Variants in GLIS3 observed in about 807,000 individuals in gnomAD.
GLIS3 encodes GLIS family zinc finger 3, also known as zinc finger protein GLIS3.
In GLIS3, 53 loss-of-function variants were observed where a neutral mutation model predicts 78.6. The observed-to-expected ratio is 0.67, with a 90% CI of 0.54 to 0.85. The LOEUF is 0.85. Ranked by LOEUF, GLIS3 falls within the 40% of genes least tolerant of loss-of-function variation. The pLI, the probability that GLIS3 is intolerant of heterozygous loss-of-function variation, is 0.00. For synonymous variants in GLIS3, 684 were observed against 509.9 expected, an observed-to-expected ratio of 1.34 and a Z score of -4.60; for missense variants, 1,703 against 1,231.1, an observed-to-expected ratio of 1.38 and a Z score of -5.74.
intron 1 of GLIS3, among the ~76,000 whole-genome samples, chr9:4,296,948 C>G (rs1289435400): frequency 1.3e-5 from 2 of 149,902 alleles, no homozygotes; most frequent in Admixed American, 6.6e-5. Context: ...CTAACACTCT[C>G]CTGTCTAAAT....
At chr9:4,261,131 C>A (rs1047295384) in intron 2 of GLIS3, among the ~76,000 whole-genome samples, 1 of 152,184 alleles carries the variant, frequency 6.6e-6, no homozygotes, top group Non-Finnish European at 1.5e-5. Context: ...GACTGGGGAA[C>A]TGAGTCTTGA....
At chr9:3,851,474 T>G (rs10124817) in intron 9 of GLIS3, among the ~76,000 whole-genome samples, 8,430 of 152,210 alleles carry the variant, frequency 0.055, 819 homozygotes, top group African/African-American at 0.19. Context: ...GAAGGCAAAA[T>G]GAATGAATGA....
intron 4 of GLIS3, among the ~76,000 whole-genome samples, chr9:4,306,946 C>CT: frequency 6.6e-6 from 1 of 152,296 alleles, no homozygotes; most frequent in Admixed American, 6.5e-5. Context: ...CAGCAGATTG[C>CT]GTAAGTCAGA....
intron 4 of GLIS3, among the ~76,000 whole-genome samples, chr9:4,095,937 C>T (rs1275211685): frequency 6.7e-6 from 1 of 149,928 alleles, no homozygotes; most frequent in African/African-American, 2.5e-5. Context: ...AGGAATCAAA[C>T]CTAAATGGTT....
the GLIS3 span, among the ~76,000 whole-genome samples, chr9:4,377,901 G>T: frequency 1.3e-5 from 2 of 152,114 alleles, no homozygotes; most frequent in African/African-American, 4.8e-5. Flanking sequence ...GCTCTTAGAA[G>T]TTCATTTAAT....
the GLIS3 span, among the ~76,000 whole-genome samples, chr9:4,363,925 AGC>A: frequency 6.6e-6 from 1 of 152,234 alleles, no homozygotes; most frequent in African/African-American, 2.4e-5. Flanking sequence ...GTTATGAGGA[AGC>A]AGGGTGGGAC....
the GLIS3 span, among the ~76,000 whole-genome samples, chr9:4,416,519 A>C: frequency 1.8e-4 from 27 of 152,222 alleles, no homozygotes; most frequent in East Asian, 5.8e-4. Context: ...TGTAATATAA[A>C]TAATATGAAC....
At chr9:4,004,583 T>C (rs1163633362) in intron 4 of GLIS3, among the ~76,000 whole-genome samples, 3 of 152,046 alleles carry the variant, frequency 2.0e-5, no homozygotes, top group African/African-American at 4.8e-5. Context: ...AAAAGGGCAA[T>C]TTGGAGAAGT....
the GLIS3 span, among the ~76,000 whole-genome samples, chr9:4,385,489 C>A: frequency 1.3e-5 from 2 of 151,814 alleles, no homozygotes; most frequent in South Asian, 2.1e-4. Context: ...CATGGCATAA[C>A]CCTGTCTCTA....
chr9:4,084,853 A>G (rs1039125093), intron 4 of GLIS3, among the ~76,000 whole-genome samples: 1 of 151,984 alleles, frequency 6.6e-6, no homozygotes, highest in Non-Finnish European at 1.5e-5. Context: ...ATGCACAGGA[A>G]TCTTCCAAAA....
intron 4 of GLIS3, among the ~76,000 whole-genome samples, chr9:4,052,787 T>C (rs751253342): frequency 1.3e-5 from 2 of 152,218 alleles, no homozygotes; most frequent in Admixed American, 1.3e-4. Flanking sequence ...AAAACATTCA[T>C]GTAAACGTTT....
At chr9:3,883,176 T>A (rs761705873) in intron 7 of GLIS3, among the ~76,000 whole-genome samples, 5 of 152,208 alleles carry the variant, frequency 3.3e-5, no homozygotes, top group African/African-American at 7.2e-5. Context: ...CACTGTGGCA[T>A]AGGAAATGCT....
intron 4 of GLIS3, among the ~76,000 whole-genome samples, chr9:3,979,344 G>A (rs921344530): frequency 1.3e-5 from 2 of 152,172 alleles, no homozygotes; most frequent in Non-Finnish European, 2.9e-5. Flanking sequence ...CTTCAGTGGT[G>A]TAGCCAAAGT....
chr9:4,256,072 G>C (rs1013640843), intron 2 of GLIS3, among the ~76,000 whole-genome samples: 3 of 151,886 alleles, frequency 2.0e-5, no homozygotes, highest in Admixed American at 6.6e-5. Context: ...ACTTGCCCAA[G>C]CCCTTATTTA....
intron 2 of GLIS3, among the ~76,000 whole-genome samples, chr9:4,134,453 T>A (rs1462855941): frequency 1.3e-5 from 2 of 152,198 alleles, no homozygotes; most frequent in African/African-American, 2.4e-5. Context: ...ACCCAGCTTG[T>A]GAATGTAACT....
In GLIS3 at chr9:4,162,538, G is replaced by A. The variant is rs564516771; in HGVS notation, c.389-36597C>T. On this transcript the variant is annotated intron_variant, in intron 2 of 10. Coordinates refer to ENST00000381971, the MANE Select transcript of GLIS3 (RefSeq NM_001042413.2). ...AGGAAAACCTGTTAGAAGCTTGACC[G>A]TTTCAGAATGGAAGATTCTCATCTA... is the stretch of plus-strand genomic sequence containing the variant. Among the ~76,000 whole-genome samples the A allele has an allele frequency of 2.6e-5, 4 of 152,256 alleles. No individual in the cohort carries two copies. The East Asian group carries it at 5.8e-4, about 22-fold the overall frequency.
At chr9:4,214,984 G>A (rs904481179) in intron 2 of GLIS3, among the ~76,000 whole-genome samples, 2 of 152,202 alleles carry the variant, frequency 1.3e-5, no homozygotes, top group African/African-American at 4.8e-5. Context: ...GAGAGAGGGT[G>A]AGACAGCTCT....
intron 2 of GLIS3, among the ~76,000 whole-genome samples, chr9:4,270,048 T>A (rs530805151): frequency 2.0e-4 from 30 of 152,328 alleles, no homozygotes; most frequent in African/African-American, 6.5e-4. Flanking sequence ...AAGACAGACG[T>A]GCATTCCCAC....
intron 4 of GLIS3, among the ~76,000 whole-genome samples, chr9:3,939,752 G>C (rs1483530780): frequency 6.6e-6 from 1 of 152,076 alleles, no homozygotes; most frequent in Non-Finnish European, 1.5e-5. Flanking sequence ...TCATTATGTT[G>C]TATGAATAAA....
Sources: gnomAD v4.1 joint callset for allele counts (sites outside exome capture counted in the v4.1 genomes callset) on GRCh38, gnomAD v4.1.1 for gene constraint, MANE v1.5 for transcripts, NCBI Gene and HGNC (gene_info 2026-07-23, HGNC 2026-07-21) for gene names.